Variants in PGAP4 observed in about 807,000 individuals in gnomAD.
The protein encoded by PGAP4 is GPI-N-acetylgalactosamine transferase PGAP4.
A neutral mutation model predicts 28.2 loss-of-function variants in PGAP4; 12 were observed. That is an observed-to-expected ratio of 0.42 (90% confidence interval 0.27 to 0.69). The LOEUF (loss-of-function observed/expected upper bound fraction) is 0.69, where lower values mean the gene tolerates loss of function less well. Among genes scored for constraint, PGAP4 ranks in the 30% least tolerant of loss-of-function variants. PGAP4 has a pLI of 0.22. For missense variants in PGAP4, 425 were observed against 513.5 expected (o/e 0.83, Z 1.67); for synonymous variants, 205 against 211.8 (o/e 0.97, Z 0.28).
Position 101,495,140 on chromosome 9 carries a change from G to A in PGAP4, c.-164-5940C>T, listed in dbSNP as rs574657568. Among the ~76,000 whole-genome samples, 21 of 103,788 alleles carry A rather than the reference G, an allele frequency of 2.0e-4. No homozygotes were observed. In the South Asian group the frequency reaches 5.8e-3, roughly 29 times the overall value. The allele number at this position is 103,788 out of a possible 152,430, so 68.1% of individuals were successfully genotyped here. ...GCCTAATTATTTACTATTTCTATAA[G>A]ATTTTATATATATTATATATTTTAT... On this transcript the variant is annotated intron_variant, in intron 2 of 3. Transcript: ENST00000374851.
intron 2 of PGAP4, chr9:101,501,516 C>T (rs1014293423): frequency 8.0e-5 from 30 of 375,750 alleles, no homozygotes; most frequent in Non-Finnish European, 1.3e-4. Flanking sequence ...TGTAATCTCC[C>T]TAGTAGATTA....
chr9:101,524,472 C>T (rs1827016128), intron 2 of PGAP4, among the ~76,000 whole-genome samples: 1 of 152,194 alleles, frequency 6.6e-6, no homozygotes, highest in African/African-American at 2.4e-5. Flanking sequence ...ATTTGCCCTG[C>T]CCTGAGTTCT....
chr9:101,513,255 G>A (rs1288203146), intron 2 of PGAP4, among the ~76,000 whole-genome samples: 1 of 152,088 alleles, frequency 6.6e-6, no homozygotes, highest in Admixed American at 6.6e-5. Flanking sequence ...ACCTAAAGGT[G>A]AGAGGACACT....
intron 2 of PGAP4, among the ~76,000 whole-genome samples, chr9:101,524,599 T>C (rs2118634114): frequency 6.6e-6 from 1 of 152,300 alleles, no homozygotes; most frequent in South Asian, 2.1e-4. Flanking sequence ...ATCCCTGTGG[T>C]GCCAGCCAGG....
rs1245170432 is a variant in PGAP4, at chr9:101,523,619, C to CATTTT, written c.-165+7728_-165+7729insAAAAT. ...ACATTTCTCCCCTCACTTCTTGTAT[C>CATTTT]TTTTTTTTTTTTTTTTTTTTTTTTT... On this transcript the variant is annotated intron_variant, in intron 2 of 3. Coordinates refer to the PGAP4 transcript ENST00000374851. 5.7e-3 allele frequency among the ~76,000 whole-genome samples: 335 copies of CATTTT among 59,288 alleles called. 21 individuals are homozygous for CATTTT. The highest frequency in any genetic ancestry group is 6.2e-3 in the Non-Finnish European group (201 of 32,422). 38.9% of individuals were successfully genotyped at this position (59,288 alleles called of 152,430 possible).
intron 2 of PGAP4, among the ~76,000 whole-genome samples, chr9:101,505,796 C>A (rs552747490): frequency 6.6e-6 from 1 of 152,084 alleles, no homozygotes; most frequent in African/African-American, 2.4e-5. Flanking sequence ...CTACCCACCC[C>A]CTTTGTAAAT....
intron 2 of PGAP4, among the ~76,000 whole-genome samples, chr9:101,493,980 T>A (rs953247729): frequency 6.6e-6 from 1 of 151,958 alleles, no homozygotes; most frequent in Non-Finnish European, 1.5e-5. Context: ...TATCATAGGG[T>A]TTTTTTAAAG....
chr9:101,529,746 G>A (rs942291380), intron 2 of PGAP4, among the ~76,000 whole-genome samples: 4 of 152,218 alleles, frequency 2.6e-5, no homozygotes, highest in Non-Finnish European at 5.9e-5. Context: ...GGTAGGAGAA[G>A]GGAAAGGTGA....
rs148013361 is a variant in PGAP4 at position 101,474,986 on chromosome 9, G to GCTTTTTTTTTTTTTTTT, written c.*894_*895insAAAAAAAAAAAAAAAAG. The GCTTTTTTTTTTTTTTTT allele has an allele frequency of 6.4e-5, 9 of 141,536 alleles. 2 individuals carry two copies. Among genetic ancestry groups the GCTTTTTTTTTTTTTTTT allele is most frequent in the Non-Finnish European group, 9.1e-5 (6 of 65,852 alleles). The allele number at this position is 141,536 out of a possible 1,614,324, so 8.8% of individuals were successfully genotyped here. A position where few individuals can be genotyped will look rare whatever the true frequency, so the allele number is the denominator to read the frequency against. ...GTCAGGTCTTCTGACTTCAGTCCATGATTTTTTTTTTTTTTTTTCTATAAC... is the reference window on the plus strand; with the variant it reads ...GTCAGGTCTTCTGACTTCAGTCCATGCTTTTTTTTTTTTTTTTATTTTTTTTTTTTTTTTTCTATAAC... On this transcript the variant is annotated 3_prime_UTR_variant, in exon 2 of 2. Coordinates refer to ENST00000374848, the MANE Select transcript of PGAP4 (RefSeq NM_032342.3).
chr9:101,503,379 T>C (rs1441673641), intron 2 of PGAP4, among the ~76,000 whole-genome samples: 1 of 152,042 alleles, frequency 6.6e-6, no homozygotes, highest in Non-Finnish European at 1.5e-5. Flanking sequence ...TTACTTTGTC[T>C]TATTATATGC....
chr9:101,495,560 G>C, intron 2 of PGAP4, among the ~76,000 whole-genome samples: 1 of 145,608 alleles, frequency 6.9e-6, no homozygotes, highest in Non-Finnish European at 1.5e-5. Flanking sequence ...TTGAACCTAG[G>C]GAAACCTACC....
chr9:101,496,361 C>G (rs971164756), intron 2 of PGAP4, among the ~76,000 whole-genome samples: 1 of 151,196 alleles, frequency 6.6e-6, no homozygotes, highest in Admixed American at 6.6e-5. Flanking sequence ...CGAAGTCCAG[C>G]AAAAGTTGAA....
Position 101,475,697 on chromosome 9 carries a change from G to GC in PGAP4, c.*183dup. 2 of 650,876 alleles carry GC rather than the reference G, an allele frequency of 3.1e-6. No individual in the cohort carries two copies. The highest frequency in any genetic ancestry group is 5.2e-6 in the Non-Finnish European group (2 of 384,080). The allele number at this position is 650,876 out of a possible 1,614,324, so 40.3% of individuals were successfully genotyped here. ...AGGTCCGGACCTGTGGCAAACTGCTGCTCCTGCCAGGAGGCTACCAAAGCC... is the reference window on the plus strand; with the variant it reads ...AGGTCCGGACCTGTGGCAAACTGCTGCCTCCTGCCAGGAGGCTACCAAAGCC... On this transcript the variant is annotated 3_prime_UTR_variant, in exon 2 of 2. Coordinates refer to ENST00000374848, the MANE Select transcript of PGAP4 (RefSeq NM_032342.3).
intron 2 of PGAP4, among the ~76,000 whole-genome samples, chr9:101,502,672 C>G (rs1373450231): frequency 6.6e-6 from 1 of 152,020 alleles, no homozygotes; most frequent in Non-Finnish European, 1.5e-5. Flanking sequence ...CCTTCCATCC[C>G]CAGATAACTA....
chr9:101,520,809 A>G (rs914904577), intron 2 of PGAP4, among the ~76,000 whole-genome samples: 1 of 152,142 alleles, frequency 6.6e-6, no homozygotes, highest in African/African-American at 2.4e-5. Flanking sequence ...TCTCAGAGGG[A>G]ATGCTTTCAA....
At chr9:101,519,356 A>T (rs924195906) in intron 2 of PGAP4, among the ~76,000 whole-genome samples, 7 of 151,940 alleles carry the variant, frequency 4.6e-5, no homozygotes, top group Non-Finnish European at 7.4e-5. Flanking sequence ...ACGGGGTTTC[A>T]CTGTGTTGCC....
intron 2 of PGAP4, among the ~76,000 whole-genome samples, chr9:101,516,954 G>C (rs1182351027): frequency 6.6e-6 from 1 of 152,152 alleles, no homozygotes; most frequent in African/African-American, 2.4e-5. Flanking sequence ...GGTGTGGATG[G>C]TCACTGCTCA....
chr9:101,494,152 G>A (rs1306841918), intron 2 of PGAP4, among the ~76,000 whole-genome samples: 1 of 151,788 alleles, frequency 6.6e-6, no homozygotes. Flanking sequence ...TCATTTTAAG[G>A]CTGAGAATTC....
At chr9:101,528,563 C>T (rs1001215517) in intron 2 of PGAP4, among the ~76,000 whole-genome samples, 12 of 152,250 alleles carry the variant, frequency 7.9e-5, no homozygotes, top group African/African-American at 2.9e-4. Flanking sequence ...TGATGCTGTT[C>T]TTTCTCCTCC....
Sources: gnomAD v4.1 joint callset for allele counts (sites outside exome capture counted in the v4.1 genomes callset) on GRCh38, gnomAD v4.1.1 for gene constraint, MANE v1.5 for transcripts, NCBI Gene and HGNC (gene_info 2026-07-23, HGNC 2026-07-21) for gene names.